JAKMIP3: variants seen among roughly 807,000 people sequenced by gnomAD.
JAKMIP3 encodes the protein Janus kinase and microtubule interacting protein 3.
In JAKMIP3, 58 loss-of-function variants were observed where a neutral mutation model predicts 118.5. The ratio of observed to expected loss-of-function variants is 0.49; its 90% CI spans 0.40 to 0.61. The LOEUF (loss-of-function observed/expected upper bound fraction) is 0.61. Ranked by LOEUF, JAKMIP3 falls within the 20% of genes least tolerant of loss-of-function variation. The pLI is 0.00. For missense variants in JAKMIP3, 950 were observed against 1,109.0 expected (o/e 0.86, Z 2.04); for synonymous variants, 486 against 451.2 (o/e 1.08, Z -0.98).
intron 1 of JAKMIP3, among the ~76,000 whole-genome samples, chr10:132,103,364 CAG>C (rs1047334868): frequency 1.4e-5 from 2 of 145,342 alleles, no homozygotes; most frequent in African/African-American, 5.1e-5. Context: ...AGAGGAACAT[CAG>C]GGGGAGAGAG....
In JAKMIP3 at chr10:132,117,614, GGGGCGGGC is replaced by G; in HGVS notation, c.633+42_633+49del. 9.1e-7 allele frequency: 1 copy of G among 1,103,258 alleles called. No individual in the cohort carries two copies. 68.3% of individuals were successfully genotyped at this position (1,103,258 alleles called of 1,614,324 possible). On this transcript the variant is annotated intron_variant, in intron 3 of 23. Coordinates refer to ENST00000684848, the MANE Select transcript of JAKMIP3 (RefSeq NM_001323087.2). This position sits in a 1 kb window ranked among gnomAD's most constrained non-coding sequence, Gnocchi z 8.6. ...AGGGGCGGGCGTGGGCGAGGGTGCA[GGGGCGGGC>G]GTGGGCGAGGGTGCAGGGGCGGGCG...
chr10:132,081,510 C>T (rs1346094315), intron 1 of JAKMIP3, among the ~76,000 whole-genome samples: 4 of 152,174 alleles, frequency 2.6e-5, no homozygotes, highest in Non-Finnish European at 2.9e-5. Context: ...ACATGCTGGT[C>T]GGCTCCTGAG....
At chr10:132,114,709 T>C (rs2047363480) in intron 2 of JAKMIP3, among the ~76,000 whole-genome samples, 1 of 152,240 alleles carries the variant, frequency 6.6e-6, no homozygotes, top group South Asian at 2.1e-4. Flanking sequence ...ATGTTTATAA[T>C]ATTGAGTCTT....
chr10:132,056,618 G>T (rs1175868765), intron 1 of JAKMIP3, among the ~76,000 whole-genome samples: 2 of 152,208 alleles, frequency 1.3e-5, no homozygotes, highest in Non-Finnish European at 2.9e-5. Flanking sequence ...TGTGCGCTGG[G>T]TTGAAAGCGA....
At chr10:132,104,558 C>T (rs1447960155) in intron 1 of JAKMIP3, 114 bp from the exon 2 acceptor site, 1 of 524,390 alleles carries the variant, frequency 1.9e-6, no homozygotes, top group Non-Finnish European at 3.4e-6. Flanking sequence ...GTAGCATCCT[C>T]AGCACTGCAA....
At chr10:132,036,776 G>A (rs900032086) in intron 1 of JAKMIP3, among the ~76,000 whole-genome samples, 4 of 151,562 alleles carry the variant, frequency 2.6e-5, no homozygotes, top group African/African-American at 7.2e-5. Context: ...ACCGGGGGCC[G>A]GGCCTCTGCG....
At chr10:132,162,433 T>C (rs927171765) in intron 19 of JAKMIP3, among the ~76,000 whole-genome samples, 8 of 152,342 alleles carry the variant, frequency 5.3e-5, no homozygotes, top group Admixed American at 5.2e-4. Context: ...ACCAAGCTCT[T>C]TTGCTCTAAG....
upstream of JAKMIP3, among the ~76,000 whole-genome samples, chr10:132,063,093 T>C (rs966309313): frequency 2.6e-5 from 4 of 152,014 alleles, no homozygotes; most frequent in African/African-American, 9.7e-5. Context: ...AGCAGAGCCC[T>C]GGATTTGGGT....
In JAKMIP3 at chr10:132,180,544, T is replaced by C. The variant is rs867308536; in HGVS notation, c.*1104-1813T>C. The stretch of plus-strand genomic sequence containing the variant: ...AGAACTGTGTGTGTGTGTGTGTGTG[T>C]GCGTGCGTGCATGCGTGTGTGTGCG... On this transcript the variant is annotated intron_variant, in intron 23 of 23. Coordinates refer to ENST00000684848, the MANE Select transcript of JAKMIP3 (RefSeq NM_001323087.2). Among the ~76,000 whole-genome samples, 37 of 25,980 alleles carry C rather than the reference T, an allele frequency of 1.4e-3. 3 individuals carry two copies. The highest frequency in any genetic ancestry group is 7.1e-3 in the South Asian group (5 of 704). The allele number at this position is 25,980 out of a possible 152,430, so 17.0% of individuals were successfully genotyped here. A position where few individuals can be genotyped will look rare whatever the true frequency, so the allele number is the denominator to read the frequency against.
chr10:132,160,983 CCTGTGTGATGCTGGGGGGGGCCTCTCA>C (rs1247234548), intron 19 of JAKMIP3, among the ~76,000 whole-genome samples: 22 of 11,330 alleles, frequency 1.9e-3, no homozygotes, highest in East Asian at 0.012. Context: ...TGGGCCTCTC[CCTGTGTGATGCTGGGGGGGGCCTCTCA>C]CTGTGTGATG....
intron 10 of JAKMIP3, 82 bp downstream of exon 10, chr10:132,140,661 A>C (rs1383563175): frequency 2.1e-6 from 3 of 1,421,030 alleles, no homozygotes; most frequent in Non-Finnish European, 2.8e-6. Context: ...GGAGGAGGTA[A>C]CGAGGGTCTC....
chr10:132,115,332 C>A (rs1312457544), intron 2 of JAKMIP3, among the ~76,000 whole-genome samples: 1 of 152,168 alleles, frequency 6.6e-6, no homozygotes, highest in Non-Finnish European at 1.5e-5. Flanking sequence ...CAGTGGTACA[C>A]TTCTGTGATC....
At chr10:132,131,885 G>A (rs1021567045) in intron 3 of JAKMIP3, among the ~76,000 whole-genome samples, 5 of 152,146 alleles carry the variant, frequency 3.3e-5, no homozygotes, top group East Asian at 1.9e-4. Context: ...GGTGGGGTGC[G>A]GCGCCTGCAC....
chr10:132,181,615 C>T (rs1291019502), intron 23 of JAKMIP3: 1 of 152,240 alleles, frequency 6.6e-6, no homozygotes, highest in Non-Finnish European at 1.5e-5. Flanking sequence ...GAGATTTCAA[C>T]TGTAACGCTT....
chr10:132,143,184 A>G (rs932794736), intron 11 of JAKMIP3, among the ~76,000 whole-genome samples: 2 of 151,174 alleles, frequency 1.3e-5, no homozygotes, highest in African/African-American at 4.9e-5. Context: ...TCCCCTCCTC[A>G]GGCTCGGAGA....
At chr10:132,060,583 A>G (rs1399553971), upstream of JAKMIP3, among the ~76,000 whole-genome samples, 1 of 152,230 alleles carries the variant, frequency 6.6e-6, no homozygotes, top group East Asian at 1.9e-4. Flanking sequence ...GCTATCTCGC[A>G]TGAATTTGCC....
Position 132,184,618 on chromosome 10 carries a change from A to G in JAKMIP3, c.*3365A>G, listed in dbSNP as rs907228900. 3 of 152,204 alleles carry G rather than the reference A, an allele frequency of 2.0e-5. No homozygotes were observed. The highest frequency in any genetic ancestry group is 4.4e-5 in the Non-Finnish European group (3 of 68,044). The allele number at this position is 152,204 out of a possible 1,614,324, so 9.4% of individuals were successfully genotyped here. On this transcript the variant is annotated 3_prime_UTR_variant, in exon 24 of 24. Coordinates refer to ENST00000684848, the MANE Select transcript of JAKMIP3 (RefSeq NM_001323087.2). ...GTGTATTCTCCCAGGCACTCCCTTC[A>G]TAGTCACCCTCTAACCACGTGACAT...
intron 1 of JAKMIP3, among the ~76,000 whole-genome samples, chr10:132,102,040 T>C (rs2045026442): frequency 6.6e-6 from 1 of 152,072 alleles, no homozygotes; most frequent in Admixed American, 6.5e-5. Flanking sequence ...TGTCAGCTGG[T>C]GTCTCCCCTT....
intron 2 of JAKMIP3, among the ~76,000 whole-genome samples, chr10:132,111,646 C>T (rs2046896751): frequency 6.6e-6 from 1 of 152,084 alleles, no homozygotes; most frequent in Admixed American, 6.5e-5. Context: ...GAAAGCCGGC[C>T]TCCCTGGACC....
Sources: allele counts gnomAD v4.1 joint callset (sites outside exome capture counted in the v4.1 genomes callset), GRCh38; gene constraint gnomAD v4.1.1; non-coding constraint Gnocchi (gnomAD v3.1); transcripts MANE v1.5; gene names NCBI Gene and HGNC (gene_info 2026-07-23, HGNC 2026-07-21).